SLC15A1: variants seen among roughly 807,000 people sequenced by gnomAD.
SLC15A1 encodes the protein Caco-2 oligopeptide transporter.
A neutral mutation model predicts 92.9 loss-of-function variants in SLC15A1; 83 were observed. The observed-to-expected ratio is 0.89, with a 90% confidence interval of 0.75 to 1.07. The LOEUF is 1.07. Among genes scored for constraint, SLC15A1 ranks in the 50% least tolerant of loss-of-function variants. The pLI, the probability that SLC15A1 is intolerant of heterozygous loss-of-function variation, is 0.00. For synonymous variants in SLC15A1, 322 were observed against 318.2 expected (o/e 1.01, Z -0.13); for missense variants, 857 against 880.1 (o/e 0.97, Z 0.33).
intron 18 of SLC15A1, among the ~76,000 whole-genome samples, chr13:98,690,211 G>A (rs2087963954): frequency 6.6e-6 from 1 of 152,176 alleles, no homozygotes; most frequent in Non-Finnish European, 1.5e-5. Context: ...AAAATGTGGG[G>A]CCAAGTTTCA....
chr13:98,751,631 G>A (rs910570885), intron 1 of SLC15A1, among the ~76,000 whole-genome samples: 3 of 152,220 alleles, frequency 2.0e-5, no homozygotes, highest in African/African-American at 7.2e-5. Flanking sequence ...AGTCCAAAGT[G>A]TGAACCACTC....
chr13:98,705,202 G>GAAAA lies in SLC15A1; in HGVS notation c.1270-771_1270-768dup, dbSNP rs33982897. Among the ~76,000 whole-genome samples the GAAAA allele has an allele frequency of 8.0e-3, 1,014 of 127,058 alleles. 33 individuals carry two copies. Among genetic ancestry groups the GAAAA allele is most frequent in the African/African-American group, 0.024 (786 of 33,232 alleles). 83.4% of individuals were successfully genotyped at this position (127,058 alleles called of 152,430 possible). A position where few individuals can be genotyped will look rare whatever the true frequency, so the allele number is the denominator to read the frequency against. ...CGACAGAGTGAGGCTCTGTATTTAA[G>GAAAA]AAAAAAAAAAAAAAAAAGGGATCTC... On this transcript the variant is annotated intron_variant, in intron 16 of 22. Coordinates refer to ENST00000376503, the MANE Select transcript of SLC15A1 (RefSeq NM_005073.4).
In SLC15A1 at chr13:98,713,322, A is replaced by G. The variant is rs995313160; in HGVS notation, c.724-738T>C. On this transcript the variant is annotated intron_variant, in intron 9 of 22. Coordinates refer to ENST00000376503, the MANE Select transcript of SLC15A1 (RefSeq NM_005073.4). Reference sequence around the variant, plus strand: ...GGCGATCCACTCGCCTCAGCCTCCCAAAGTGCTGGAGTGGCATTAGCCACC... The same window carrying G: ...GGCGATCCACTCGCCTCAGCCTCCCGAAGTGCTGGAGTGGCATTAGCCACC... 3.3e-5 allele frequency among the ~76,000 whole-genome samples: 5 copies of G among 152,252 alleles called. No individual in the cohort carries two copies. The East Asian group carries it at 9.6e-4, about 29-fold the overall frequency.
Position 98,726,453 on chromosome 13 carries a change from AC to A in SLC15A1, c.22-5del, listed in dbSNP as rs751111467. 2 of 1,613,370 alleles carry A rather than the reference AC, an allele frequency of 1.2e-6. No individual in the cohort carries two copies. Among genetic ancestry groups the A allele is most frequent in the Non-Finnish European group, 1.7e-6 (2 of 1,179,488 alleles). On this transcript the variant is annotated splice_region_variant and splice_polypyrimidine_tract_variant and intron_variant, in intron 2 of 22. Coordinates refer to ENST00000376503, the MANE Select transcript of SLC15A1 (RefSeq NM_005073.4). ...TCAGGGGATAACCAAAGAAACTCTG[AC>A]AAAAAAGAAACAAGCACAGGATTGA...
chr13:98,695,815 T>C (rs557837710), intron 18 of SLC15A1, among the ~76,000 whole-genome samples: 2 of 152,318 alleles, frequency 1.3e-5, no homozygotes, highest in African/African-American at 4.8e-5. Flanking sequence ...CTTAAAATAG[T>C]ATATACTCTT....
intron 5 of SLC15A1, among the ~76,000 whole-genome samples, chr13:98,722,599 A>C (rs900418203): frequency 1.2e-4 from 18 of 152,334 alleles, no homozygotes; most frequent in Admixed American, 9.8e-4. Flanking sequence ...TTGGTTGCTA[A>C]TGTTGCTTTT....
chr13:98,688,272 A>C lies in SLC15A1; in HGVS notation c.1659T>G (p.Ala553=), dbSNP rs1352800759. 1.9e-6 allele frequency: 3 copies of C among 1,613,204 alleles called. No individual in the cohort carries two copies. In the Admixed American group the frequency reaches 5.0e-5, roughly 27 times the overall value. ...CCTTCCTTTGGACTATATAGGTATA[A>C]GCACTACCAAATTCAAGGTAGAAAG... The part of the protein sequence containing the change: ...FNTFYLEFGS[A]YTYIVQRKND... The change falls in exon 20 of 23, where the codon GCT becomes GCG. Residue 553 remains alanine, a synonymous_variant. Coordinates refer to ENST00000376503, the MANE Select transcript of SLC15A1 (RefSeq NM_005073.4).
chr13:98,708,546 A>G (rs1295834340), intron 15 of SLC15A1, 140 bp downstream of exon 15: 1 of 615,976 alleles, frequency 1.6e-6, no homozygotes, highest in African/African-American at 1.9e-5. Flanking sequence ...GGTGCCTCCC[A>G]CTGCCCACAG....
rs933591451 is a variant in SLC15A1 at position 98,721,543 on chromosome 13, T to G, written c.508A>C (p.Ile170Leu). 1 of 1,610,060 alleles carries G rather than the reference T, an allele frequency of 6.2e-7. No homozygotes were observed. The highest frequency in any genetic ancestry group is 1.3e-5 in the African/African-American group (1 of 74,714). ...GTGGAAAGCAAACTTCCAGCATTAA[T>G]AGCCAAGTAAAAGATGGAAAAAAAT... ...NRFFSIFYLA[I>L]NAGSLLSTII... The change falls in exon 7 of 23, where the codon ATT becomes CTT. Residue 170 changes from isoleucine (I) to leucine (L), a missense_variant. Ile to Leu is a conservative substitution (Grantham distance 5). Transcript: ENST00000376503.
intron 1 of SLC15A1, among the ~76,000 whole-genome samples, chr13:98,731,299 G>A (rs1438485850): frequency 1.3e-5 from 2 of 152,218 alleles, no homozygotes; most frequent in Non-Finnish European, 2.9e-5. Flanking sequence ...CAGGGAAAGC[G>A]CCAGTGTCCG....
At position 98,706,272 on chromosome 13, in the gene SLC15A1, A is replaced by T; in HGVS notation, c.1150-19T>A. 1 of 1,609,700 alleles carries T rather than the reference A, an allele frequency of 6.2e-7. No homozygotes were observed. Among genetic ancestry groups the T allele is most frequent in the Non-Finnish European group, 8.5e-7 (1 of 1,178,302 alleles). On this transcript the variant is annotated intron_variant, in intron 15 of 22. Coordinates refer to ENST00000376503, the MANE Select transcript of SLC15A1 (RefSeq NM_005073.4). Reference sequence around the variant, plus strand: ...GAGTTTTCTGAGCAAAATAAAAGAAAATTGGCAGTGAGGTCTTCAATACAA... The same window carrying T: ...GAGTTTTCTGAGCAAAATAAAAGAATATTGGCAGTGAGGTCTTCAATACAA...
chr13:98,751,513 A>G (rs1284700395), intron 1 of SLC15A1, among the ~76,000 whole-genome samples: 1 of 152,246 alleles, frequency 6.6e-6, no homozygotes, highest in Non-Finnish European at 1.5e-5. Context: ...GGCGGGACCC[A>G]GAACTGCAGC....
intron 16 of SLC15A1, among the ~76,000 whole-genome samples, chr13:98,705,592 A>G (rs1473586722): frequency 6.6e-6 from 1 of 152,162 alleles, no homozygotes; most frequent in Non-Finnish European, 1.5e-5. Context: ...AGGCCTGCTG[A>G]TTAAAAATCT....
chr13:98,721,440 G>T, intron 7 of SLC15A1, 55 bp downstream of exon 7: 2 of 1,188,632 alleles, frequency 1.7e-6, no homozygotes, highest in Non-Finnish European at 2.5e-6. Context: ...AAGAAGACAC[G>T]GACTTGGCCT....
intron 1 of SLC15A1, among the ~76,000 whole-genome samples, chr13:98,750,793 G>A (rs1036352131): frequency 1.1e-4 from 16 of 150,380 alleles, no homozygotes; most frequent in Non-Finnish European, 1.6e-4. Flanking sequence ...ACTCTGTCGC[G>A]GAGGCTGGAG....
chr13:98,738,980 G>A (rs2088418560), intron 1 of SLC15A1, among the ~76,000 whole-genome samples: 1 of 152,238 alleles, frequency 6.6e-6, no homozygotes. Context: ...GCTGCCCAAA[G>A]CCCTGGCACC....
At position 98,715,870 on chromosome 13, in the gene SLC15A1, A is replaced by T. The variant is rs2088207890; in HGVS notation, c.723+8T>A. On this transcript the variant is annotated splice_region_variant and intron_variant, in intron 9 of 22. Coordinates refer to ENST00000376503, the MANE Select transcript of SLC15A1 (RefSeq NM_005073.4). The stretch of plus-strand genomic sequence containing the variant: ...ATAGCCTTGAGAAAGAGCAGCTGAG[A>T]TACTTACACCGATGCACTTGGCCAC... 6.2e-7 allele frequency: 1 copy of T among 1,612,382 alleles called. No individual in the cohort carries two copies. The highest frequency in any genetic ancestry group is 1.1e-5 in the South Asian group (1 of 91,044).
chr13:98,707,384 A>G lies in SLC15A1; in HGVS notation c.1150-1131T>C, dbSNP rs147898195. Among the ~76,000 whole-genome samples the G allele has an allele frequency of 6.5e-3, 985 of 152,320 alleles. 11 individuals are homozygous for G. The highest frequency in any genetic ancestry group is 0.037 in the Middle Eastern group (11 of 294). ...CCTTGAAGACAATATACTAAGTGAA[A>G]TTAGCCAGTCACAAAAGGACAAATA... On this transcript the variant is annotated intron_variant, in intron 15 of 22. Coordinates refer to ENST00000376503, the MANE Select transcript of SLC15A1 (RefSeq NM_005073.4).
intron 15 of SLC15A1, among the ~76,000 whole-genome samples, chr13:98,708,108 C>T (rs1419050995): frequency 1.3e-5 from 2 of 150,156 alleles, no homozygotes; most frequent in African/African-American, 4.9e-5. Flanking sequence ...AGGGAAGGAA[C>T]GAGAGAAAGA....
Sources: gnomAD v4.1 joint callset for allele counts (sites outside exome capture counted in the v4.1 genomes callset) on GRCh38, gnomAD v4.1.1 for gene constraint, MANE v1.5 for transcripts, NCBI Gene and HGNC (gene_info 2026-07-23, HGNC 2026-07-21) for gene names.